HIBADH: variants seen among roughly 807,000 people sequenced by gnomAD.
HIBADH encodes the protein 3-hydroxyisobutyrate dehydrogenase.
A neutral mutation model predicts 36.1 loss-of-function variants in HIBADH; 25 were observed. The observed-to-expected ratio is 0.69, with a 90% CI of 0.50 to 0.97. The LOEUF (loss-of-function observed/expected upper bound fraction) is 0.97. Among genes scored for constraint, HIBADH ranks in the 50% least tolerant of loss-of-function variants. The pLI, the probability that HIBADH is intolerant of heterozygous loss-of-function variation, is 0.00. For missense variants in HIBADH, 421 were observed against 418.0 expected, an observed-to-expected ratio of 1.01 and a Z score of -0.06; for synonymous variants, 160 against 149.5, an observed-to-expected ratio of 1.07 and a Z score of -0.51.
At chr7:27,646,068 C>T (rs1786064249) in intron 2 of HIBADH, among the ~76,000 whole-genome samples, 1 of 152,134 alleles carries the variant, frequency 6.6e-6, no homozygotes, top group African/African-American at 2.4e-5. Context: ...TTTCTCCTAA[C>T]AATTTTATAG....
intron 1 of HIBADH, among the ~76,000 whole-genome samples, chr7:27,656,517 T>A (rs1054727497): frequency 3.9e-5 from 6 of 152,008 alleles, no homozygotes; most frequent in Non-Finnish European, 7.4e-5. Flanking sequence ...CCAGGATAAG[T>A]TATTAAGTGG....
chr7:27,564,115 G>C (rs892829174), intron 4 of HIBADH, among the ~76,000 whole-genome samples: 1 of 152,004 alleles, frequency 6.6e-6, no homozygotes, highest in Non-Finnish European at 1.5e-5. Flanking sequence ...AGCCAGGATG[G>C]TCTTGATCTC....
intron 4 of HIBADH, among the ~76,000 whole-genome samples, chr7:27,591,292 C>T (rs144272019): frequency 0.014 from 2,175 of 152,324 alleles, 24 homozygotes; most frequent in Non-Finnish European, 0.022. Flanking sequence ...TGGCTCACGC[C>T]TGTAATCCCA....
intron 4 of HIBADH, among the ~76,000 whole-genome samples, chr7:27,559,633 T>A (rs558719944): frequency 6.6e-6 from 1 of 152,046 alleles, no homozygotes; most frequent in East Asian, 1.9e-4. Context: ...CAAGACTCTG[T>A]CTCAAAAAAC....
intron 4 of HIBADH, among the ~76,000 whole-genome samples, chr7:27,609,395 A>G (rs2128291600): frequency 6.6e-6 from 1 of 152,360 alleles, no homozygotes; most frequent in Admixed American, 6.5e-5. Context: ...CTAATTTCAA[A>G]GAAACCCTTG....
chr7:27,599,282 T>G (rs1250776622), intron 4 of HIBADH, among the ~76,000 whole-genome samples: 1 of 152,220 alleles, frequency 6.6e-6, no homozygotes, highest in Non-Finnish European at 1.5e-5. Context: ...AGAACATTTT[T>G]TAAAGGAATT....
At chr7:27,611,007 G>C (rs1459099885) in intron 4 of HIBADH, among the ~76,000 whole-genome samples, 1 of 152,152 alleles carries the variant, frequency 6.6e-6, no homozygotes, top group Non-Finnish European at 1.5e-5. Flanking sequence ...ACCTCTCTAA[G>C]AGAAATTTCT....
intron 4 of HIBADH, among the ~76,000 whole-genome samples, chr7:27,589,559 A>G (rs556325432): frequency 2.6e-5 from 4 of 152,312 alleles, no homozygotes; most frequent in African/African-American, 9.6e-5. Context: ...TGCCTATTTT[A>G]CAGATGTAGA....
intron 4 of HIBADH, among the ~76,000 whole-genome samples, chr7:27,603,715 T>G (rs906637803): frequency 6.6e-6 from 1 of 152,188 alleles, no homozygotes; most frequent in African/African-American, 2.4e-5. Context: ...ATCCTAACTC[T>G]CAAATTTCAC....
intron 2 of HIBADH, among the ~76,000 whole-genome samples, chr7:27,644,684 G>A (rs577321615): frequency 2.7e-5 from 4 of 150,756 alleles, no homozygotes; most frequent in South Asian, 2.1e-4. Flanking sequence ...AGAATCACTC[G>A]AACCCAGGAG....
intron 7 of HIBADH, among the ~76,000 whole-genome samples, chr7:27,528,894 A>C (rs1583553948): frequency 6.6e-6 from 1 of 152,258 alleles, no homozygotes; most frequent in Admixed American, 6.5e-5. Context: ...ATCAAAGGAC[A>C]GGCTAACCCT....
chr7:27,613,707 G>A (rs1206551762), intron 4 of HIBADH, among the ~76,000 whole-genome samples: 5 of 150,512 alleles, frequency 3.3e-5, no homozygotes, highest in African/African-American at 1.2e-4. Context: ...CACCCAGGCT[G>A]GAGTGCAGTG....
chr7:27,600,066 C>T (rs933979986), intron 4 of HIBADH, among the ~76,000 whole-genome samples: 7 of 152,072 alleles, frequency 4.6e-5, no homozygotes, highest in African/African-American at 1.7e-4. Context: ...CTCCCTTAAA[C>T]AACAAAAACA....
chr7:27,609,940 C>T (rs993288204), intron 4 of HIBADH, among the ~76,000 whole-genome samples: 1 of 151,978 alleles, frequency 6.6e-6, no homozygotes, highest in African/African-American at 2.4e-5. Context: ...CCTCAGCCTC[C>T]TGAGTAGCTG....
intron 2 of HIBADH, among the ~76,000 whole-genome samples, chr7:27,635,066 CTT>C (rs901222980): frequency 8.5e-5 from 12 of 140,906 alleles, no homozygotes; most frequent in Admixed American, 4.5e-4. Context: ...CACTCTCTCT[CTT>C]TCTCTCTCTC....
intron 2 of HIBADH, 56 bp from the exon 3 acceptor site, chr7:27,632,501 G>C: frequency 8.5e-7 from 1 of 1,173,046 alleles, no homozygotes; most frequent in Non-Finnish European, 1.3e-6. Flanking sequence ...GCAGTTTCTA[G>C]AGCACAAACA....
At chr7:27,585,721 A>G (rs764305242) in intron 4 of HIBADH, among the ~76,000 whole-genome samples, 5 of 152,190 alleles carry the variant, frequency 3.3e-5, no homozygotes, top group Non-Finnish European at 4.4e-5. Context: ...GTTTCACCAG[A>G]TTTTGGTTGT....
intron 4 of HIBADH, among the ~76,000 whole-genome samples, chr7:27,561,466 T>C (rs1168548014): frequency 6.6e-6 from 1 of 152,186 alleles, no homozygotes; most frequent in African/African-American, 2.4e-5. Context: ...TGCATTGTAG[T>C]CAACAATGTA....
intron 7 of HIBADH, among the ~76,000 whole-genome samples, chr7:27,530,554 C>CAAAA (rs906586085): frequency 2.7e-4 from 41 of 150,862 alleles, no homozygotes; most frequent in African/African-American, 7.8e-4. Context: ...AACAAACAAA[C>CAAAA]AAAAACCAAC....
Sources: gnomAD v4.1 joint callset for allele counts (sites outside exome capture counted in the v4.1 genomes callset) on GRCh38, gnomAD v4.1.1 for gene constraint, MANE v1.5 for transcripts, NCBI Gene and HGNC (gene_info 2026-07-23, HGNC 2026-07-21) for gene names.